The following ZNF410 variants were observed in gnomAD, a reference collection of about 807,000 sequenced individuals.
ZNF410 encodes the protein zinc finger protein 410.
A neutral mutation model predicts 54.8 loss-of-function variants in ZNF410; 18 were observed. The observed-to-expected ratio is 0.33, with a 90% CI of 0.23 to 0.49. The LOEUF is 0.49. Ranked by LOEUF, ZNF410 falls within the 20% of genes least tolerant of loss-of-function variation. ZNF410 has a pLI of 0.99. For synonymous variants in ZNF410, 191 were observed against 207.3 expected (o/e 0.92, Z 0.68); for missense variants, 405 against 569.6 (o/e 0.71, Z 2.94).
intron 1 of ZNF410, among the ~76,000 whole-genome samples, chr14:73,891,507 C>G (rs1308929063): frequency 1.3e-5 from 2 of 152,138 alleles, no homozygotes; most frequent in African/African-American, 2.4e-5. Context: ...GTGCCTGCGA[C>G]CATGCTCAGC....
intron 5 of ZNF410, chr14:73,902,262 A>G (rs796907734): frequency 1.9e-4 from 28 of 151,044 alleles, no homozygotes; most frequent in Admixed American, 6.6e-4. Context: ...TTTAGTAGAG[A>G]CGGGGTTTCA....
At position 73,922,127 on chromosome 14, in the gene ZNF410, G is replaced by A. The variant is rs781391871; in HGVS notation, c.1191G>A (p.Val397=). The A allele has an allele frequency of 1.2e-5, 20 of 1,614,002 alleles. No homozygotes were observed. The highest frequency in any genetic ancestry group is 1.5e-5 in the Non-Finnish European group (18 of 1,180,036). Reference sequence around the variant, plus strand: ...CTTCAGTACCCAGTAAAAACCTGGTGTCTATGAATTCCCAGCCCAGCCTTG... The same window carrying A: ...CTTCAGTACCCAGTAAAAACCTGGTATCTATGAATTCCCAGCCCAGCCTTG... The part of the protein sequence containing the change: ...EEASVPSKNL[V]SMNSQPSLGG... The change falls in exon 10 of 12, where the codon GTG becomes GTA. Residue 397 remains valine, a synonymous_variant. Coordinates refer to ENST00000555044, the MANE Select transcript of ZNF410 (RefSeq NM_021188.3).
intron 7 of ZNF410, among the ~76,000 whole-genome samples, chr14:73,905,960 CACACACACAT>C (rs1276844834): frequency 2.7e-4 from 6 of 22,362 alleles, no homozygotes; most frequent in South Asian, 3.2e-3. Context: ...CACACACACA[CACACACACAT>C]ATATATATAT....
Position 73,894,984 on chromosome 14 carries a change from G to A in ZNF410, c.169+1052G>A, listed in dbSNP as rs375061157. 1.0e-3 allele frequency among the ~76,000 whole-genome samples: 156 copies of A among 151,992 alleles called. 4 individuals carry two copies. Among genetic ancestry groups the A allele is most frequent in the African/African-American group, 3.6e-3 (151 of 41,434 alleles). ...TTGAGACCAGCCTGGGCAACATGGC[G>A]AGACCTCGTCTCTACAAAAAATTAA... On this transcript the variant is annotated intron_variant, in intron 3 of 11. Transcript: ENST00000555044.
intron 5 of ZNF410, among the ~76,000 whole-genome samples, chr14:73,902,452 C>T (rs1489870328): frequency 1.3e-5 from 2 of 152,198 alleles, no homozygotes; most frequent in East Asian, 3.9e-4. Context: ...TAGCAGGAAG[C>T]ATCCTAGGTT....
chr14:73,915,370 C>T (rs909854215), intron 8 of ZNF410, among the ~76,000 whole-genome samples: 1 of 150,428 alleles, frequency 6.6e-6, no homozygotes, highest in African/African-American at 2.4e-5. Context: ...CAAAGTCTTA[C>T]TCTGTTGCCC....
At chr14:73,920,853 T>G (rs1594764923) in intron 8 of ZNF410, 127 bp from the exon 9 acceptor site, 1 of 1,239,458 alleles carries the variant, frequency 8.1e-7, no homozygotes. Context: ...GCTGGGAAGG[T>G]GCGGAATGGG....
At chr14:73,891,293 A>G (rs565513920) in intron 1 of ZNF410, among the ~76,000 whole-genome samples, 1 of 152,134 alleles carries the variant, frequency 6.6e-6, no homozygotes, top group African/African-American at 2.4e-5. Context: ...ATAATTTTGT[A>G]TTTTATTTTT....
chr14:73,925,956 C>T (rs527767734), intron 11 of ZNF410, among the ~76,000 whole-genome samples: 16 of 152,156 alleles, frequency 1.1e-4, no homozygotes, highest in Non-Finnish European at 8.8e-5. Flanking sequence ...ATCACCTAAG[C>T]CTGGGAGGTT....
Position 73,920,744 on chromosome 14 carries a change from C to T in ZNF410, c.1004-236C>T, listed in dbSNP as rs564017474. ...AAGAGGTTTTGTGAAGGCAGCATTA[C>T]AGAAGGTCTGGAAAGGACCAGCAGC... On this transcript the variant is annotated intron_variant, in intron 8 of 11. Coordinates refer to ENST00000555044, the MANE Select transcript of ZNF410 (RefSeq NM_021188.3). The T allele has an allele frequency of 3.5e-4, 167 of 473,142 alleles. 3 individuals are homozygous for T. The South Asian group carries it at 4.2e-3, about 12-fold the overall frequency. 29.3% of individuals were successfully genotyped at this position (473,142 alleles called of 1,614,324 possible). A position where few individuals can be genotyped will look rare whatever the true frequency, so the allele number is the denominator to read the frequency against.
chr14:73,928,138 C>T (rs2055861266), intron 11 of ZNF410, among the ~76,000 whole-genome samples: 1 of 152,150 alleles, frequency 6.6e-6, no homozygotes, highest in Non-Finnish European at 1.5e-5. Flanking sequence ...TGCGCCCAGC[C>T]TAAACTGGCA....
At chr14:73,901,943 AAAAG>A (rs1204422996) in intron 5 of ZNF410, among the ~76,000 whole-genome samples, 1 of 151,734 alleles carries the variant, frequency 6.6e-6, no homozygotes, top group Non-Finnish European at 1.5e-5. Context: ...CAAAAAAAAA[AAAAG>A]AAAAAATTTA....
chr14:73,909,590 A>C, intron 8 of ZNF410, 160 bp downstream of exon 8: 1 of 512,432 alleles, frequency 2.0e-6, no homozygotes. Context: ...AAGGCCCTTA[A>C]TTCTTATAAT....
At chr14:73,891,954 A>G (rs1415030430) in intron 1 of ZNF410, 73 bp from the exon 2 acceptor site, 5 of 656,974 alleles carry the variant, frequency 7.6e-6, no homozygotes, top group African/African-American at 1.8e-5. Flanking sequence ...GTATATGTAA[A>G]GAAGTGTCTT....
intron 5 of ZNF410, among the ~76,000 whole-genome samples, chr14:73,900,776 T>C (rs2055393751): frequency 6.6e-6 from 1 of 152,190 alleles, no homozygotes; most frequent in Non-Finnish European, 1.5e-5. Flanking sequence ...TGGCCCAGGA[T>C]ACCTTTGAAT....
intron 4 of ZNF410, 48 bp from the exon 5 acceptor site, chr14:73,898,023 A>G: frequency 1.3e-6 from 2 of 1,546,674 alleles, no homozygotes; most frequent in East Asian, 2.3e-5. Context: ...CAGGGCAAAT[A>G]AAAAGCTTGC....
chr14:73,917,152 C>T (rs574549238), intron 8 of ZNF410, among the ~76,000 whole-genome samples: 57 of 151,940 alleles, frequency 3.8e-4, no homozygotes, highest in African/African-American at 1.2e-3. Flanking sequence ...TTTCTTACAT[C>T]GAAAATCTTG....
chr14:73,908,631 C>T (rs554783153), intron 7 of ZNF410, among the ~76,000 whole-genome samples: 1 of 152,212 alleles, frequency 6.6e-6, no homozygotes, highest in Admixed American at 6.5e-5. Flanking sequence ...CTGAACTTTC[C>T]CCGGGCACTC....
intron 11 of ZNF410, among the ~76,000 whole-genome samples, chr14:73,924,389 T>A (rs1422204612): frequency 6.6e-6 from 1 of 152,138 alleles, no homozygotes; most frequent in East Asian, 1.9e-4. Context: ...CACGGACCAG[T>A]GCTGGTCCAT....
Sources: gnomAD v4.1 joint callset for allele counts (sites outside exome capture counted in the v4.1 genomes callset) on GRCh38, gnomAD v4.1.1 for gene constraint, MANE v1.5 for transcripts, NCBI Gene and HGNC (gene_info 2026-07-23, HGNC 2026-07-21) for gene names.